The following ADGRL2 variants were observed in gnomAD, a reference collection of about 807,000 sequenced individuals.
ADGRL2 encodes the protein adhesion G protein-coupled receptor L2.
ADGRL2 carries 44 observed loss-of-function variants against 157.4 expected under a neutral mutation model. That is an observed-to-expected ratio of 0.28 (90% CI 0.22 to 0.36). The LOEUF (loss-of-function observed/expected upper bound fraction) is 0.36. ADGRL2 is among the 10% of genes least tolerant of loss of function. ADGRL2 has a pLI of 1.00. For missense variants in ADGRL2, 1,510 were observed against 1,768.9 expected (o/e 0.85, Z 2.63); for synonymous variants, 585 against 624.7 (o/e 0.94, Z 0.95).
upstream of ADGRL2, among the ~76,000 whole-genome samples, chr1:81,697,332 C>T (rs141221283): frequency 3.7e-3 from 570 of 152,306 alleles, 1 homozygote; most frequent in Non-Finnish European, 5.1e-3. Flanking sequence ...GTGCTCTTTA[C>T]TCCTTATTAA....
intron 2 of ADGRL2, among the ~76,000 whole-genome samples, chr1:81,875,056 G>A (rs1571847754): frequency 6.6e-6 from 1 of 151,692 alleles, no homozygotes; most frequent in African/African-American, 2.4e-5. Flanking sequence ...AAAATGGCTG[G>A]ATTGCCTGTG....
rs1160313660 is a variant in ADGRL2, at chr1:81,905,398, T to C, written c.74-1619T>C. 2.0e-5 allele frequency among the ~76,000 whole-genome samples: 3 copies of C among 152,070 alleles called. No individual in the cohort carries two copies. In the East Asian group the frequency reaches 5.8e-4, roughly 29 times the overall value. On this transcript the variant is annotated intron_variant, in intron 2 of 23. Coordinates refer to ENST00000686636, the MANE Select transcript of ADGRL2 (RefSeq NM_001366006.2). ...CAAGCGTGAACCACAGCGCTAGACC[T>C]TACTGTACTTTTCTGGATGACTGTG...
intron 1 of ADGRL2, among the ~76,000 whole-genome samples, chr1:81,413,682 G>T (rs1295695658): frequency 3.3e-5 from 5 of 152,162 alleles, no homozygotes; most frequent in Admixed American, 3.3e-4. Context: ...TCTACTTGAG[G>T]TCAGTAGTTC....
intron 2 of ADGRL2, among the ~76,000 whole-genome samples, chr1:81,453,699 G>A (rs2077745431): frequency 6.6e-6 from 1 of 152,090 alleles, no homozygotes; most frequent in South Asian, 2.1e-4. Flanking sequence ...CAGGCTTGCC[G>A]ATTTTTGCTT....
chr1:81,509,417 A>G (rs1163063979), intron 2 of ADGRL2, among the ~76,000 whole-genome samples: 1 of 151,836 alleles, frequency 6.6e-6, no homozygotes, highest in Non-Finnish European at 1.5e-5. Flanking sequence ...TTACCACTCT[A>G]TCTGCTACCA....
At chr1:81,840,240 A>G (rs745843999) in intron 2 of ADGRL2, among the ~76,000 whole-genome samples, 2 of 152,098 alleles carry the variant, frequency 1.3e-5, no homozygotes, top group Non-Finnish European at 2.9e-5. Flanking sequence ...TTCAGTAGAA[A>G]TCAAACATTA....
chr1:81,498,555 C>T (rs759103379), intron 2 of ADGRL2, among the ~76,000 whole-genome samples: 8 of 152,186 alleles, frequency 5.3e-5, no homozygotes, highest in Admixed American at 1.3e-4. Flanking sequence ...AGAGCCGGAA[C>T]ATCTGAGTAT....
intron 1 of ADGRL2, among the ~76,000 whole-genome samples, chr1:81,388,824 C>A (rs557567559): frequency 5.3e-4 from 81 of 152,274 alleles, no homozygotes; most frequent in Non-Finnish European, 9.9e-4. Context: ...AAGCGATACT[C>A]AATGCAATCC....
intron 2 of ADGRL2, among the ~76,000 whole-genome samples, chr1:81,459,743 TACAC>T (rs1388134888): frequency 1.3e-5 from 2 of 151,196 alleles, no homozygotes; most frequent in Middle Eastern, 3.4e-3. Context: ...CACACATATA[TACAC>T]ACACATATAT....
At chr1:81,747,701 T>G (rs867950634) in intron 1 of ADGRL2, among the ~76,000 whole-genome samples, 1 of 147,254 alleles carries the variant, frequency 6.8e-6, no homozygotes, top group Admixed American at 6.8e-5. Context: ...CCTTTAATGT[T>G]TGTGTGTGTG....
At chr1:81,814,093 G>A (rs1288533755) in intron 1 of ADGRL2, among the ~76,000 whole-genome samples, 1 of 151,680 alleles carries the variant, frequency 6.6e-6, no homozygotes, top group Non-Finnish European at 1.5e-5. Flanking sequence ...TATTTTATTA[G>A]GGATGTTTAT....
chr1:81,707,056 CA>C (rs1486619594), intron 1 of ADGRL2, among the ~76,000 whole-genome samples: 1 of 152,106 alleles, frequency 6.6e-6, no homozygotes, highest in East Asian at 1.9e-4. Context: ...GAAAGTAGTA[CA>C]AATTTAACTT....
intron 3 of ADGRL2, among the ~76,000 whole-genome samples, chr1:81,631,758 C>T (rs923182772): frequency 6.6e-6 from 1 of 152,148 alleles, no homozygotes; most frequent in African/African-American, 2.4e-5. Context: ...TGTGTGAGAT[C>T]TAGTCTCAAA....
In ADGRL2 at chr1:81,421,501, T is replaced by C. The variant is rs114781512; in HGVS notation, c.-301-23535T>C. Among the ~76,000 whole-genome samples, 732 of 152,314 alleles carry C rather than the reference T, an allele frequency of 4.8e-3. 7 individuals carry two copies. The highest frequency in any genetic ancestry group is 0.017 in the African/African-American group (712 of 41,566). On this transcript the variant is annotated intron_variant, in intron 1 of 24. Coordinates refer to the ADGRL2 transcript ENST00000370721. ...TACATGGCTTAGATTTATAGTAGAA[T>C]ACTCATAACTGCAAGCAGTTACCAT...
At chr1:81,510,218 G>C (rs2079050836) in intron 2 of ADGRL2, among the ~76,000 whole-genome samples, 1 of 152,122 alleles carries the variant, frequency 6.6e-6, no homozygotes, top group South Asian at 2.1e-4. Context: ...AGCTGTGTTA[G>C]GAGTGATAAT....
At chr1:81,377,893 G>C (rs557782600) in intron 1 of ADGRL2, among the ~76,000 whole-genome samples, 1 of 151,984 alleles carries the variant, frequency 6.6e-6, no homozygotes, top group South Asian at 2.1e-4. Flanking sequence ...TGAATACCAC[G>C]GGTGGTACCG....
chr1:81,527,307 T>G (rs148496179), intron 2 of ADGRL2, among the ~76,000 whole-genome samples: 153 of 152,188 alleles, frequency 1.0e-3, no homozygotes, highest in African/African-American at 3.6e-3. Context: ...CCCCCAAAAT[T>G]CATATGTTGA....
chr1:81,638,968 G>T (rs772275898), intron 3 of ADGRL2, among the ~76,000 whole-genome samples: 2 of 152,146 alleles, frequency 1.3e-5, no homozygotes, highest in Non-Finnish European at 2.9e-5. Context: ...CACCCACTGC[G>T]CTTCAACTTG....
intron 1 of ADGRL2, among the ~76,000 whole-genome samples, chr1:81,746,320 G>A (rs900152199): frequency 2.0e-5 from 3 of 152,086 alleles, no homozygotes; most frequent in African/African-American, 7.2e-5. Context: ...ACAGGGTCTT[G>A]CTCTGTCGCC....
Sources: gnomAD v4.1 joint callset for allele counts (sites outside exome capture counted in the v4.1 genomes callset) on GRCh38, gnomAD v4.1.1 for gene constraint, MANE v1.5 for transcripts, NCBI Gene and HGNC (gene_info 2026-07-23, HGNC 2026-07-21) for gene names.